The following UTP20 variants were observed in gnomAD, a reference collection of about 807,000 sequenced individuals.
UTP20 encodes small subunit processome component 20 homolog.
In UTP20, 164 loss-of-function variants were observed where a neutral mutation model predicts 329.5. That is an observed-to-expected ratio of 0.50 (90% CI 0.44 to 0.57). The LOEUF (loss-of-function observed/expected upper bound fraction) is 0.57, where lower values mean the gene tolerates loss of function less well. Ranked by LOEUF, UTP20 falls within the 20% of genes least tolerant of loss-of-function variation. The pLI is 0.00. For missense variants in UTP20, 3,055 were observed against 3,284.2 expected, an observed-to-expected ratio of 0.93 and a Z score of 1.71; for synonymous variants, 1,151 against 1,159.3, an observed-to-expected ratio of 0.99 and a Z score of 0.14.
rs965785232 is a variant in UTP20, at chr12:101,369,992, T to C, written c.6555+101T>C. ...ACTTTGGGAGGCTGAGGTGGGAGGATTACTTGAGCCTAAGAGTTCAAGACC... is the reference window on the plus strand; with the variant it reads ...ACTTTGGGAGGCTGAGGTGGGAGGACTACTTGAGCCTAAGAGTTCAAGACC... On this transcript the variant is annotated intron_variant, in intron 49 of 61. Transcript: ENST00000261637. The C allele has an allele frequency of 1.2e-5, 14 of 1,211,562 alleles. No individual in the cohort carries two copies. In the Admixed American group the frequency reaches 2.6e-4, roughly 23 times the overall value. The allele number at this position is 1,211,562 out of a possible 1,614,324, so 75.1% of individuals were successfully genotyped here. A position where few individuals can be genotyped will look rare whatever the true frequency, so the allele number is the denominator to read the frequency against.
At chr12:101,368,063 C>A in intron 48 of UTP20, 87 bp downstream of exon 48, 1 of 966,632 alleles carries the variant, frequency 1.0e-6, no homozygotes, top group Non-Finnish European at 1.6e-6. Flanking sequence ...TGTATTTGGG[C>A]TCAAGCTTTA....
At position 101,365,554 on chromosome 12, in the gene UTP20, A is replaced by G; in HGVS notation, c.6054A>G (p.Thr2018=). 1 of 1,613,166 alleles carries G rather than the reference A, an allele frequency of 6.2e-7. No individual in the cohort carries two copies. The highest frequency in any genetic ancestry group is 1.1e-5 in the South Asian group (1 of 90,722). ...TVGLIVNQEM[T]AESILLLSYG... ...GATTAATTGTAAATCAGGAAATGAC[A>G]GCTGAATCCATTCTATTACTCAGTT... Residue 2018 remains threonine (T), a synonymous_variant, in exon 46 of 62, where the codon ACA becomes ACG. Transcript: ENST00000261637.
intron 60 of UTP20, among the ~76,000 whole-genome samples, chr12:101,385,040 G>A (rs1211377320): frequency 6.6e-6 from 1 of 151,294 alleles, no homozygotes; most frequent in Non-Finnish European, 1.5e-5. Context: ...GCAGAGAAGG[G>A]TGGGAGAAAT....
Position 101,290,133 on chromosome 12 carries a change from T to C in UTP20, c.598-4T>C. 6.4e-7 allele frequency: 1 copy of C among 1,551,418 alleles called. No individual in the cohort carries two copies. Among genetic ancestry groups the C allele is most frequent in the Admixed American group, 1.8e-5 (1 of 55,952 alleles). On this transcript the variant is annotated splice_polypyrimidine_tract_variant and splice_region_variant and intron_variant, in intron 6 of 61. Transcript: ENST00000261637. ...TAATTTTCCATTTCTACTTTATATTTTAGGTCTCTGATAAAAACGCACTTT... is the reference window on the plus strand; with the variant it reads ...TAATTTTCCATTTCTACTTTATATTCTAGGTCTCTGATAAAAACGCACTTT...
intron 5 of UTP20, among the ~76,000 whole-genome samples, chr12:101,287,619 C>T (rs781081379): frequency 6.6e-6 from 1 of 152,124 alleles, no homozygotes; most frequent in Non-Finnish European, 1.5e-5. Flanking sequence ...GTATGCCAGG[C>T]CCTGTTTGGT....
intron 38 of UTP20, 59 bp from the exon 39 acceptor site, chr12:101,351,996 G>A: frequency 6.3e-7 from 1 of 1,587,566 alleles, no homozygotes; most frequent in East Asian, 2.2e-5. Flanking sequence ...TACTGAGTTA[G>A]CCTTGCATTT....
Position 101,363,206 on chromosome 12 carries a change from ATAAT to A in UTP20, c.5791-363_5791-360del, listed in dbSNP as rs936513626. Among the ~76,000 whole-genome samples the A allele has an allele frequency of 7.2e-4, 109 of 152,320 alleles. 2 individuals carry two copies. The highest frequency in any genetic ancestry group is 2.1e-3 in the African/African-American group (87 of 41,564). On this transcript the variant is annotated intron_variant, in intron 44 of 61. Coordinates refer to ENST00000261637, the MANE Select transcript of UTP20 (RefSeq NM_014503.3). ...TTTGTAATTTATAATTAGAATGTAA[ATAAT>A]TAATTAGATTGCAAATATTCTGAGA...
At chr12:101,344,869 G>A in intron 36 of UTP20, 119 bp downstream of exon 36, 1 of 706,776 alleles carries the variant, frequency 1.4e-6, no homozygotes, top group Non-Finnish European at 2.2e-6. Context: ...GAGAATACTT[G>A]GTTGAGTAAA....
At chr12:101,284,773 C>T (rs1009309232) in intron 2 of UTP20, among the ~76,000 whole-genome samples, 2 of 152,126 alleles carry the variant, frequency 1.3e-5, no homozygotes, top group African/African-American at 2.4e-5. Context: ...TCCTCCCACC[C>T]CTAATTCCCA....
chr12:101,323,157 A>G (rs1868429531), intron 25 of UTP20, among the ~76,000 whole-genome samples: 1 of 152,214 alleles, frequency 6.6e-6, no homozygotes, highest in South Asian at 2.1e-4. Flanking sequence ...ATTTTCTTAG[A>G]TCATGAAATG....
At chr12:101,309,686 G>A in intron 18 of UTP20, 77 bp from the exon 19 acceptor site, 3 of 1,422,218 alleles carry the variant, frequency 2.1e-6, no homozygotes, top group Non-Finnish European at 2.9e-6. Context: ...GTCCAACTTG[G>A]GATGTTTGCA....
intron 39 of UTP20, among the ~76,000 whole-genome samples, chr12:101,352,585 T>C (rs1185926414): frequency 4.0e-5 from 6 of 149,188 alleles, no homozygotes; most frequent in African/African-American, 1.5e-4. Flanking sequence ...CACCGCATAT[T>C]CTCACTCATA....
At chr12:101,361,938 T>C in intron 43 of UTP20, 24 bp from the exon 44 acceptor site, 1 of 1,571,754 alleles carries the variant, frequency 6.4e-7, no homozygotes, top group Non-Finnish European at 8.8e-7. Context: ...AATATTCATG[T>C]TGTTGCTGTG....
At position 101,291,870 on chromosome 12, in the gene UTP20, G is replaced by A. The variant is rs774061468; in HGVS notation, c.1020G>A (p.Thr340=). ...VKHGSGTKIP[T]PADVCKVLSQ... ...ATGGAAGTGGGACAAAGATACCCAC[G>A]CCTGCTGATGTCTGTAAGGTGAGTT... The change falls in exon 9 of 62, where the codon ACG becomes ACA. Residue 340 remains threonine (T), a synonymous_variant. Transcript: ENST00000261637. 2.0e-5 allele frequency: 32 copies of A among 1,612,190 alleles called. No individual in the cohort carries two copies. The highest frequency in any genetic ancestry group is 3.4e-5 in the Admixed American group (2 of 59,622).
chr12:101,286,136 G>A (rs1871954058), intron 4 of UTP20, among the ~76,000 whole-genome samples, 185 bp from the exon 5 acceptor site: 1 of 152,142 alleles, frequency 6.6e-6, no homozygotes, highest in Non-Finnish European at 1.5e-5. Flanking sequence ...ATGATGGAAT[G>A]TAACTTCTTG....
chr12:101,290,413 A>G (rs550929446), intron 7 of UTP20, 139 bp downstream of exon 7: 20 of 1,044,438 alleles, frequency 1.9e-5, no homozygotes, highest in Admixed American at 6.8e-5. Context: ...TTCAGTAACA[A>G]TGCTTACCCA....
At chr12:101,298,901 C>T (rs532331269) in intron 12 of UTP20, among the ~76,000 whole-genome samples, 2 of 150,832 alleles carry the variant, frequency 1.3e-5, no homozygotes, top group South Asian at 2.1e-4. Context: ...CTTCCCCTAC[C>T]TGACCATTTT....
At chr12:101,365,118 C>T (rs899535128) in intron 45 of UTP20, among the ~76,000 whole-genome samples, 6 of 107,678 alleles carry the variant, frequency 5.6e-5, no homozygotes, top group African/African-American at 3.1e-4. Flanking sequence ...GTGTTTGCCT[C>T]TAAGTCACCC....
Position 101,319,683 on chromosome 12 carries a change from C to T in UTP20, c.2829+48C>T, listed in dbSNP as rs370643713. The T allele has an allele frequency of 3.4e-6, 5 of 1,468,704 alleles. No individual in the cohort carries two copies. The African/African-American group carries it at 4.3e-5, about 13-fold the overall frequency. The allele number at this position is 1,468,704 out of a possible 1,614,324, so 91.0% of individuals were successfully genotyped here. A position where few individuals can be genotyped will look rare whatever the true frequency, so the allele number is the denominator to read the frequency against. On this transcript the variant is annotated intron_variant, in intron 23 of 61. Coordinates refer to ENST00000261637, the MANE Select transcript of UTP20 (RefSeq NM_014503.3). ...ATTATAATTCTTTGTGAACTTTTCT[C>T]TATCATTTTCTTTGTCAGAGTAGCT...
Sources: gnomAD v4.1 joint callset for allele counts (sites outside exome capture counted in the v4.1 genomes callset) on GRCh38, gnomAD v4.1.1 for gene constraint, MANE v1.5 for transcripts, NCBI Gene and HGNC (gene_info 2026-07-23, HGNC 2026-07-21) for gene names.